The following BCLAF1 variants were observed in gnomAD, a reference collection of about 807,000 sequenced individuals.
BCLAF1 encodes BCL2 associated transcription factor 1.
BCLAF1 carries 10 observed loss-of-function variants against 99.5 expected under a neutral mutation model. The observed-to-expected ratio is 0.10, with a 90% confidence interval of 0.06 to 0.17. The LOEUF (loss-of-function observed/expected upper bound fraction) is 0.17, where lower values mean the gene tolerates loss of function less well. Ranked by LOEUF, BCLAF1 falls within the 10% of genes least tolerant of loss-of-function variation. BCLAF1 has a pLI of 1.00. For missense variants in BCLAF1, 636 were observed against 1,105.8 expected, an observed-to-expected ratio of 0.58 and a Z score of 6.02; for synonymous variants, 255 against 370.9, an observed-to-expected ratio of 0.69 and a Z score of 3.59.
rs902518874 is a variant in BCLAF1, at chr6:136,269,529, T to C, written c.2127A>G (p.Gly709=). ...RRRKERSKER[G]DSKGSRESSG... ...TGGATTCCCTGGAGCCCTTGGAATC[T>C]CCCCGTTCTTTACTTCTTTCTTTTC... The change falls in exon 9 of 13, where the codon GGA becomes GGG. Residue 709 remains glycine, a synonymous_variant. Coordinates refer to ENST00000531224, the MANE Select transcript of BCLAF1 (RefSeq NM_014739.3). The C allele has an allele frequency of 7.4e-6, 12 of 1,612,480 alleles. No individual in the cohort carries two copies. The highest frequency in any genetic ancestry group is 1.0e-5 in the Non-Finnish European group (12 of 1,179,074).
chr6:136,267,669 A>G (rs145928521), intron 10 of BCLAF1, among the ~76,000 whole-genome samples: 2 of 152,066 alleles, frequency 1.3e-5, no homozygotes, highest in African/African-American at 4.8e-5. Context: ...TCATTATATT[A>G]ATAATTATAA....
chr6:136,284,933 C>T (rs143371210), intron 1 of BCLAF1, among the ~76,000 whole-genome samples: 2 of 152,010 alleles, frequency 1.3e-5, no homozygotes, highest in Non-Finnish European at 2.9e-5. Flanking sequence ...ACATTTGGGC[C>T]TAAAGACAGG....
Position 136,267,145 on chromosome 6 carries a change from C to T in BCLAF1, c.2428G>A (p.Gly810Arg). 4.3e-6 allele frequency: 7 copies of T among 1,612,920 alleles called. No individual in the cohort carries two copies. The highest frequency in any genetic ancestry group is 5.9e-6 in the Non-Finnish European group (7 of 1,179,274). ...FRIRGRGRAR[G>R]VFAGTNTGPN... ...CCAGTATTTGTCCCAGCAAAAACTC[C>T]TCTGGCTCTTCCTCTGCCTCTAATT... is the stretch of plus-strand genomic sequence containing the variant. Residue 810 changes from glycine (G) to arginine (R), a missense_variant, in exon 11 of 13, where the codon GGA (glycine) becomes AGA (arginine). By Grantham distance (125) the Gly-to-Arg change is moderately radical. This residue lies in a region of BCLAF1 where 30 missense variants were observed against 22.9 expected (regional missense o/e 1.31). Coordinates refer to ENST00000531224, the MANE Select transcript of BCLAF1 (RefSeq NM_014739.3).
chr6:136,283,152 C>T (rs1026517333), intron 1 of BCLAF1, among the ~76,000 whole-genome samples: 1 of 135,606 alleles, frequency 7.4e-6, no homozygotes, highest in Non-Finnish European at 1.5e-5. Flanking sequence ...ACACTCTAGC[C>T]TTGGCAACAC....
At chr6:136,283,139 A>C (rs552190347) in intron 1 of BCLAF1, among the ~76,000 whole-genome samples, 6 of 146,382 alleles carry the variant, frequency 4.1e-5, no homozygotes, top group Non-Finnish European at 9.0e-5. Flanking sequence ...TAGCCTTGGC[A>C]ACACACTCTA....
intron 10 of BCLAF1, 119 bp from the exon 11 acceptor site, chr6:136,267,294 T>C (rs1781840581): frequency 5.8e-6 from 7 of 1,198,826 alleles, no homozygotes; most frequent in South Asian, 1.6e-5. Flanking sequence ...CTAAATCTCA[T>C]GGCCATTGAG....
intron 11 of BCLAF1, among the ~76,000 whole-genome samples, chr6:136,263,078 A>C (rs1781241412): frequency 6.6e-6 from 1 of 152,186 alleles, no homozygotes; most frequent in Admixed American, 6.5e-5. Flanking sequence ...TGTTCTGAAC[A>C]CTTCACATGT....
intron 6 of BCLAF1, 110 bp from the exon 7 acceptor site, chr6:136,273,297 T>C (rs1782804499): frequency 2.2e-6 from 2 of 902,716 alleles, no homozygotes; most frequent in African/African-American, 3.3e-5. Context: ...ATAAGAAACC[T>C]AGCAAAAGAG....
chr6:136,288,490 C>A (rs1457027330), intron 1 of BCLAF1, among the ~76,000 whole-genome samples: 1 of 152,160 alleles, frequency 6.6e-6, no homozygotes, highest in Non-Finnish European at 1.5e-5. Context: ...CAACTAAAGT[C>A]GAACTGAAAT....
chr6:136,256,685 A>AAATAAAT lies in BCLAF1; in HGVS notation c.*4418_*4424dup, dbSNP rs1554211242. ...ACTCCATCTCAATAAATAAATAAATAAATAAATAAATAAATAAATAAATAA... is the reference window on the plus strand; with the variant it reads ...ACTCCATCTCAATAAATAAATAAATAAATAAATAATAAATAAATAAATAAATAAATAA... On this transcript the variant is annotated 3_prime_UTR_variant, in exon 13 of 13. Coordinates refer to ENST00000531224, the MANE Select transcript of BCLAF1 (RefSeq NM_014739.3). The AAATAAAT allele has an allele frequency of 6.5e-6, 1 of 153,744 alleles. No homozygotes were observed. Among genetic ancestry groups the AAATAAAT allele is most frequent in the East Asian group, 1.8e-4 (1 of 5,490 alleles). 9.5% of individuals were successfully genotyped at this position (153,744 alleles called of 1,614,324 possible). A position where few individuals can be genotyped will look rare whatever the true frequency, so the allele number is the denominator to read the frequency against.
intron 6 of BCLAF1, among the ~76,000 whole-genome samples, chr6:136,275,133 ACTGT>A (rs1449524395): frequency 2.0e-5 from 3 of 152,098 alleles, no homozygotes; most frequent in Non-Finnish European, 4.4e-5. Context: ...CAATAACAAT[ACTGT>A]CTGACTTTGT....
chr6:136,265,402 T>C (rs1156891149), intron 11 of BCLAF1, among the ~76,000 whole-genome samples: 1 of 152,198 alleles, frequency 6.6e-6, no homozygotes, highest in African/African-American at 2.4e-5. Context: ...TTCCTTCCTC[T>C]CACTACCAAC....
intron 11 of BCLAF1, among the ~76,000 whole-genome samples, chr6:136,266,041 T>C (rs1781667442): frequency 6.6e-6 from 1 of 152,040 alleles, no homozygotes; most frequent in African/African-American, 2.4e-5. Context: ...ACGCACTCTG[T>C]AACTTTTTTT....
intron 1 of BCLAF1, among the ~76,000 whole-genome samples, chr6:136,282,950 TAAAA>T (rs369003977): frequency 0.029 from 4,348 of 152,044 alleles, 82 homozygotes; most frequent in Middle Eastern, 0.041. Flanking sequence ...ATTTGAGCCT[TAAAA>T]AACATATGAT....
chr6:136,286,875 G>A (rs997298781), intron 1 of BCLAF1, among the ~76,000 whole-genome samples: 6 of 152,258 alleles, frequency 3.9e-5, no homozygotes, highest in African/African-American at 1.4e-4. Context: ...GGCTGAGGCA[G>A]GAGAATCGCT....
chr6:136,281,569 G>A (rs1784387149), intron 2 of BCLAF1, among the ~76,000 whole-genome samples: 1 of 152,192 alleles, frequency 6.6e-6, no homozygotes, highest in African/African-American at 2.4e-5. Flanking sequence ...CCCACTCTGA[G>A]ATAATCAGAC....
chr6:136,272,014 A>G lies in BCLAF1; in HGVS notation c.2024T>C (p.Phe675Ser), dbSNP rs138152710. 3 of 1,604,832 alleles carry G rather than the reference A, an allele frequency of 1.9e-6. No homozygotes were observed. In the African/African-American group the frequency reaches 4.0e-5, roughly 22 times the overall value. The change falls in exon 8 of 13, where the codon TTT becomes TCT. Residue 675 changes from phenylalanine (F) to serine (S), a missense_variant. Phe to Ser is a radical substitution (Grantham distance 155). Coordinates refer to ENST00000531224, the MANE Select transcript of BCLAF1 (RefSeq NM_014739.3). ...ACATACCTTTTGATTTTCTTCTTTA[A>G]AAACTCTCTCTTCCCCTGCTAAACG... ...HTRLAGEERV[F>S]KEENQKGDKK...
rs934196762 is a variant in BCLAF1 at position 136,257,926 on chromosome 6, A to G, written c.*3184T>C. ...TGTTAATAATGCAGCATACTTTTATATAAGAAATTTGTATATAACATTACA... is the reference window on the plus strand; with the variant it reads ...TGTTAATAATGCAGCATACTTTTATGTAAGAAATTTGTATATAACATTACA... On this transcript the variant is annotated 3_prime_UTR_variant, in exon 13 of 13. Transcript: ENST00000531224. 8 of 152,186 alleles carry G rather than the reference A, an allele frequency of 5.3e-5. No individual in the cohort carries two copies. Among genetic ancestry groups the G allele is most frequent in the Admixed American group, 4.6e-4 (7 of 15,286 alleles). The allele number at this position is 152,186 out of a possible 1,614,324, so 9.4% of individuals were successfully genotyped here. A position where few individuals can be genotyped will look rare whatever the true frequency, so the allele number is the denominator to read the frequency against.
rs1226708674 is a variant in BCLAF1 at position 136,259,900 on chromosome 6, C to T, written c.*1210G>A. ...TTTTAGATTTTCACTCCTTTAAGAG[C>T]TATCAATATAGACACAAAAGATAAT... On this transcript the variant is annotated 3_prime_UTR_variant, in exon 13 of 13. Transcript: ENST00000531224. 1.3e-5 allele frequency: 2 copies of T among 151,794 alleles called. No homozygotes were observed. Among genetic ancestry groups the T allele is most frequent in the Admixed American group, 6.6e-5 (1 of 15,236 alleles). 9.4% of individuals were successfully genotyped at this position (151,794 alleles called of 1,614,324 possible). A position where few individuals can be genotyped will look rare whatever the true frequency, so the allele number is the denominator to read the frequency against.
Sources: gnomAD v4.1 joint callset for allele counts (sites outside exome capture counted in the v4.1 genomes callset) on GRCh38, gnomAD v4.1.1 for gene constraint, gnomAD v4.1.1 regional missense constraint, MANE v1.5 for transcripts, NCBI Gene and HGNC (gene_info 2026-07-23, HGNC 2026-07-21) for gene names.